The following PCDH9 variants were observed in gnomAD, a reference collection of about 807,000 sequenced individuals.
PCDH9 encodes the protein protocadherin 9, also known as protocadherin-9.
In PCDH9, 24 loss-of-function variants were observed where a neutral mutation model predicts 70.6. The ratio of observed to expected loss-of-function variants is 0.34; its 90% CI spans 0.25 to 0.48. The LOEUF (loss-of-function observed/expected upper bound fraction) is 0.48. Among genes scored for constraint, PCDH9 ranks in the 20% least tolerant of loss-of-function variants. The pLI is 0.99. For missense variants in PCDH9, 1,281 were observed against 1,503.6 expected (o/e 0.85, Z 2.45); for synonymous variants, 562 against 558.5 (o/e 1.01, Z -0.09).
chr13:66,772,885 A>G lies in PCDH9; in HGVS notation c.3138+130619T>C, dbSNP rs146242664. On this transcript the variant is annotated intron_variant, in intron 3 of 4. Transcript: ENST00000377865. ...ATTTCTCTATTATCTATATAGAGGT[A>G]CACATTGTTTGGTGGAAAGTAAACC... is the stretch of plus-strand genomic sequence containing the variant. Among the ~76,000 whole-genome samples the G allele has an allele frequency of 6.2e-3, 943 of 152,116 alleles. 8 individuals are homozygous for G. The highest frequency in any genetic ancestry group is 0.021 in the African/African-American group (891 of 41,516).
intron 3 of PCDH9, among the ~76,000 whole-genome samples, chr13:66,718,366 G>A (rs1304600119): frequency 2.6e-5 from 4 of 151,882 alleles, no homozygotes; most frequent in African/African-American, 4.8e-5. Context: ...ATTGGTGTTC[G>A]GAGGGGTTAA....
intron 2 of PCDH9, among the ~76,000 whole-genome samples, chr13:67,153,981 G>A (rs914369380): frequency 6.6e-6 from 1 of 152,192 alleles, no homozygotes; most frequent in Non-Finnish European, 1.5e-5. Context: ...CTTGCTCGAG[G>A]CATATATTGT....
intron 2 of PCDH9, among the ~76,000 whole-genome samples, chr13:66,947,322 T>C (rs1314586589): frequency 1.3e-5 from 2 of 152,134 alleles, no homozygotes; most frequent in Non-Finnish European, 2.9e-5. Context: ...TCTTTTACAG[T>C]TGAGGAAGCC....
intron 3 of PCDH9, among the ~76,000 whole-genome samples, chr13:66,871,166 C>T (rs1322869315): frequency 2.0e-5 from 3 of 150,424 alleles, no homozygotes; most frequent in Non-Finnish European, 4.4e-5. Flanking sequence ...CATATTCTCA[C>T]TCATAGGTGG....
chr13:66,804,911 T>C (rs909735645), intron 3 of PCDH9, among the ~76,000 whole-genome samples: 3 of 152,062 alleles, frequency 2.0e-5, no homozygotes, highest in African/African-American at 7.2e-5. Context: ...AGACAGTCAA[T>C]ACAGTTCTGG....
chr13:67,199,642 T>C (rs2089161220), intron 2 of PCDH9, among the ~76,000 whole-genome samples: 1 of 152,006 alleles, frequency 6.6e-6, no homozygotes, highest in Non-Finnish European at 1.5e-5. Context: ...CTGGAAACCA[T>C]TAAAATAGGA....
intron 3 of PCDH9, among the ~76,000 whole-genome samples, chr13:66,686,992 C>T (rs953011114): frequency 2.6e-5 from 4 of 152,054 alleles, no homozygotes; most frequent in Non-Finnish European, 5.9e-5. Flanking sequence ...CTAATTGTGC[C>T]CCCCAAAAGA....
In PCDH9 at chr13:66,620,530, A is replaced by G. The variant is rs528455806; in HGVS notation, c.3340+10680T>C. On this transcript the variant is annotated intron_variant, in intron 4 of 4. Transcript: ENST00000377865. ...TACTTCAGTAAGATCTATTCATCCC[A>G]TGTCACTTGTTTAAAGTATCACTTT... is the stretch of plus-strand genomic sequence containing the variant. Among the ~76,000 whole-genome samples the G allele has an allele frequency of 6.6e-5, 10 of 152,184 alleles. 1 individual carries two copies. In the East Asian group the frequency reaches 1.7e-3, roughly 26 times the overall value.
At chr13:67,135,426 C>T (rs2087210587) in intron 2 of PCDH9, among the ~76,000 whole-genome samples, 1 of 151,968 alleles carries the variant, frequency 6.6e-6, no homozygotes, top group African/African-American at 2.4e-5. Flanking sequence ...TCATTTTTAC[C>T]CCATAGATCT....
chr13:66,912,165 G>T (rs2082478520), intron 2 of PCDH9, among the ~76,000 whole-genome samples: 1 of 152,106 alleles, frequency 6.6e-6, no homozygotes, highest in South Asian at 2.1e-4. Context: ...AGGAATTTAA[G>T]GGTGAACATT....
In PCDH9 at chr13:66,304,304, GAT is replaced by G. The variant is rs1487317977; in HGVS notation, c.*349_*350del. The G allele has an allele frequency of 6.3e-6, 1 of 158,122 alleles. No homozygotes were observed. The highest frequency in any genetic ancestry group is 1.3e-5 in the Non-Finnish European group (1 of 75,954). The allele number at this position is 158,122 out of a possible 1,614,324, so 9.8% of individuals were successfully genotyped here. ...AAAAAAAAGCACAATTTTCTAACTGGATATGTTTTTCAGTCACTCTAATCCAT... is the reference window on the plus strand; with the variant it reads ...AAAAAAAAGCACAATTTTCTAACTGGATGTTTTTCAGTCACTCTAATCCAT... On this transcript the variant is annotated 3_prime_UTR_variant, in exon 5 of 5. Transcript: ENST00000377865.
chr13:66,511,788 T>A (rs1230470552), intron 4 of PCDH9, among the ~76,000 whole-genome samples: 1 of 152,166 alleles, frequency 6.6e-6, no homozygotes, highest in Non-Finnish European at 1.5e-5. Flanking sequence ...CCATGTGATA[T>A]ACCTGCTCTT....
intron 2 of PCDH9, among the ~76,000 whole-genome samples, chr13:67,012,745 A>C (rs1241181309): frequency 6.6e-6 from 1 of 152,010 alleles, no homozygotes; most frequent in Non-Finnish European, 1.5e-5. Flanking sequence ...CAAATAGTTA[A>C]CGCTAAAACA....
At chr13:66,751,261 A>T (rs1037349341) in intron 3 of PCDH9, among the ~76,000 whole-genome samples, 4 of 152,066 alleles carry the variant, frequency 2.6e-5, no homozygotes, top group African/African-American at 9.7e-5. Context: ...CCCCTGGCTC[A>T]ATTCTTCTAT....
intron 2 of PCDH9, among the ~76,000 whole-genome samples, chr13:66,981,121 A>C (rs74978007): frequency 2.0e-5 from 3 of 152,210 alleles, no homozygotes; most frequent in African/African-American, 7.2e-5. Context: ...TACAGAATAT[A>C]ATAAAATAAG....
In PCDH9 at chr13:66,621,565, T is replaced by A. The variant is rs141881171; in HGVS notation, c.3340+9645A>T. Among the ~76,000 whole-genome samples, 604 of 152,334 alleles carry A rather than the reference T, an allele frequency of 4.0e-3. 1 individual carries two copies. The Middle Eastern group carries it at 0.044, about 11-fold the overall frequency. On this transcript the variant is annotated intron_variant, in intron 4 of 4. Coordinates refer to ENST00000377865, the MANE Select transcript of PCDH9 (RefSeq NM_203487.3). The stretch of plus-strand genomic sequence containing the variant: ...AGGAGTCGGCGTATATGAGTTTTAT[T>A]GTAGACTCATAAACTATGTGGCTTC...
At chr13:67,127,999 G>A (rs77916547) in intron 2 of PCDH9, among the ~76,000 whole-genome samples, 63 of 152,068 alleles carry the variant, frequency 4.1e-4, no homozygotes, top group African/African-American at 1.4e-3. Context: ...ATATTACAGC[G>A]GTATTCTCAT....
intron 3 of PCDH9, among the ~76,000 whole-genome samples, chr13:66,654,270 T>C (rs1041570620): frequency 1.3e-5 from 2 of 151,926 alleles, no homozygotes; most frequent in African/African-American, 2.4e-5. Flanking sequence ...ATCAAAACAA[T>C]AGAACTCATG....
chr13:66,706,017 G>A (rs907845902), intron 3 of PCDH9, among the ~76,000 whole-genome samples: 1 of 152,096 alleles, frequency 6.6e-6, no homozygotes, highest in African/African-American at 2.4e-5. Context: ...TACTTTGATT[G>A]CGGGAGTATA....
Sources: gnomAD v4.1 joint callset for allele counts (sites outside exome capture counted in the v4.1 genomes callset) on GRCh38, gnomAD v4.1.1 for gene constraint, MANE v1.5 for transcripts, NCBI Gene and HGNC (gene_info 2026-07-23, HGNC 2026-07-21) for gene names.